Variants in VRK1 observed in about 807,000 individuals in gnomAD.
The protein encoded by VRK1 is serine/threonine-protein kinase VRK1.
VRK1 carries 33 observed loss-of-function variants against 57.1 expected under a neutral mutation model. The ratio of observed to expected loss-of-function variants is 0.58; its 90% CI spans 0.44 to 0.77. VRK1 has a LOEUF of 0.77. VRK1 is among the 30% of genes least tolerant of loss of function. The pLI, the probability that VRK1 is intolerant of heterozygous loss-of-function variation, is 0.00. For synonymous variants in VRK1, 137 were observed against 147.8 expected, an observed-to-expected ratio of 0.93 and a Z score of 0.53; for missense variants, 413 against 477.3, an observed-to-expected ratio of 0.87 and a Z score of 1.25.
intron 1 of VRK1, among the ~76,000 whole-genome samples, chr14:96,799,976 G>C (rs1311997583): frequency 6.8e-6 from 1 of 146,000 alleles, no homozygotes; most frequent in Non-Finnish European, 1.5e-5. Context: ...ACTTTATCTA[G>C]CATCCAGCAC....
At chr14:96,812,120 C>G (rs1182780218) in intron 1 of VRK1, among the ~76,000 whole-genome samples, 2 of 152,100 alleles carry the variant, frequency 1.3e-5, no homozygotes, top group East Asian at 3.9e-4. Flanking sequence ...TACTTTATTT[C>G]TTTTTATTGC....
intron 10 of VRK1, among the ~76,000 whole-genome samples, chr14:96,859,564 T>G (rs1888300282): frequency 6.6e-6 from 1 of 152,204 alleles, no homozygotes. Context: ...GTCCGTTTTT[T>G]TCTTGGTATA....
intron 1 of VRK1, among the ~76,000 whole-genome samples, chr14:96,814,334 G>A (rs1389319462): frequency 6.6e-6 from 1 of 152,128 alleles, no homozygotes; most frequent in African/African-American, 2.4e-5. Context: ...ATTTTTCTAT[G>A]TTGTCAATTG....
chr14:96,818,349 T>C (rs982475668), intron 1 of VRK1, among the ~76,000 whole-genome samples: 11 of 152,248 alleles, frequency 7.2e-5, no homozygotes, highest in African/African-American at 2.4e-4. Context: ...CTAACGTTGA[T>C]CACTTTTCTA....
At chr14:96,812,806 T>G (rs1031285722) in intron 1 of VRK1, among the ~76,000 whole-genome samples, 1 of 152,190 alleles carries the variant, frequency 6.6e-6, no homozygotes, top group African/African-American at 2.4e-5. Context: ...GATTGGAAAA[T>G]GTACATCTAC....
chr14:96,837,898 GAATT>G (rs1024758910), intron 3 of VRK1, 81 bp downstream of exon 3: 73 of 931,922 alleles, frequency 7.8e-5, no homozygotes, highest in Admixed American at 2.6e-4. Context: ...TGATTAACTA[GAATT>G]AATTAAACCA....
At chr14:96,850,626 A>G (rs1426203343) in intron 5 of VRK1, among the ~76,000 whole-genome samples, 1 of 152,214 alleles carries the variant, frequency 6.6e-6, no homozygotes, top group African/African-American at 2.4e-5. Context: ...AGAATTTATT[A>G]ATAGACCCCA....
chr14:96,857,466 A>T (rs1300767414), intron 10 of VRK1, among the ~76,000 whole-genome samples: 1 of 152,166 alleles, frequency 6.6e-6, no homozygotes, highest in African/African-American at 2.4e-5. Flanking sequence ...CTGTGTCTTC[A>T]TAGGTAAACA....
intron 12 of VRK1, chr14:96,877,795 T>A: frequency 1.9e-6 from 1 of 539,366 alleles, no homozygotes; most frequent in Non-Finnish European, 2.4e-6. Context: ...GAACTTTGCT[T>A]AATGAGCATC....
At chr14:96,872,615 A>G (rs538908969) in intron 11 of VRK1, among the ~76,000 whole-genome samples, 3 of 152,222 alleles carry the variant, frequency 2.0e-5, no homozygotes, top group South Asian at 2.1e-4. Flanking sequence ...GGAAATTGCA[A>G]TAAGAATAAA....
chr14:96,862,065 C>A (rs1888409423), intron 11 of VRK1, among the ~76,000 whole-genome samples: 1 of 152,184 alleles, frequency 6.6e-6, no homozygotes, highest in African/African-American at 2.4e-5. Context: ...TCCAGAGCAA[C>A]CACCTCCCTC....
At chr14:96,844,865 T>G (rs1446100378) in intron 3 of VRK1, among the ~76,000 whole-genome samples, 1 of 152,172 alleles carries the variant, frequency 6.6e-6, no homozygotes, top group African/African-American at 2.4e-5. Flanking sequence ...AGTACTTTAA[T>G]TGGGGATTCC....
At chr14:96,854,348 T>G (rs941296280) in intron 7 of VRK1, among the ~76,000 whole-genome samples, 5 of 152,114 alleles carry the variant, frequency 3.3e-5, no homozygotes, top group African/African-American at 1.2e-4. Flanking sequence ...ATGGAAATAT[T>G]TTTGCAGCTC....
Position 96,860,507 on chromosome 14 carries a change from T to G in VRK1, c.890-50T>G, listed in dbSNP as rs1304775671. 4 of 1,538,144 alleles carry G rather than the reference T, an allele frequency of 2.6e-6. No individual in the cohort carries two copies. In the South Asian group the frequency reaches 4.7e-5, roughly 18 times the overall value. ...AACCATGAATTATTTTTTTTAGAGG[T>G]TAGAGAGAAATATATTGAAAGTTAT... On this transcript the variant is annotated intron_variant, in intron 10 of 12. Transcript: ENST00000216639.
chr14:96,798,033 C>T (rs1426637250), intron 1 of VRK1, among the ~76,000 whole-genome samples: 1 of 152,124 alleles, frequency 6.6e-6, no homozygotes, highest in African/African-American at 2.4e-5. Context: ...GAGGGGAGGC[C>T]GACCCCTGAG....
At chr14:96,798,807 A>G (rs1276457266) in intron 1 of VRK1, among the ~76,000 whole-genome samples, 1 of 152,218 alleles carries the variant, frequency 6.6e-6, no homozygotes, top group Non-Finnish European at 1.5e-5. Context: ...GTTCTTCAAA[A>G]TGGCATGTAG....
At chr14:96,854,068 A>G (rs1371536564) in intron 7 of VRK1, among the ~76,000 whole-genome samples, 2 of 152,088 alleles carry the variant, frequency 1.3e-5, no homozygotes, top group Non-Finnish European at 2.9e-5. Flanking sequence ...GGTGGATAGA[A>G]GGGAATCTAT....
chr14:96,836,518 C>CTTTTTTT (rs10560354), intron 2 of VRK1, among the ~76,000 whole-genome samples: 3 of 89,438 alleles, frequency 3.4e-5, no homozygotes, highest in African/African-American at 8.5e-5. Context: ...ACATCAGGGT[C>CTTTTTTT]TTTTTTTTTT....
chr14:96,820,227 G>T (rs1258184599), intron 1 of VRK1, among the ~76,000 whole-genome samples: 6 of 151,796 alleles, frequency 4.0e-5, no homozygotes, highest in East Asian at 1.9e-4. Context: ...TGAAAATGAT[G>T]ATTTTTTTTT....
Sources: gnomAD v4.1 joint callset for allele counts (sites outside exome capture counted in the v4.1 genomes callset) on GRCh38, gnomAD v4.1.1 for gene constraint, MANE v1.5 for transcripts, NCBI Gene and HGNC (gene_info 2026-07-23, HGNC 2026-07-21) for gene names.